Variants in LRRTM4 observed in about 807,000 individuals in gnomAD.
LRRTM4 encodes the protein leucine-rich repeat transmembrane neuronal protein 4.
LRRTM4 carries 25 observed loss-of-function variants against 47.6 expected under a neutral mutation model. That is an observed-to-expected ratio of 0.53 (90% confidence interval 0.38 to 0.73). LRRTM4 has a LOEUF of 0.73. Among genes scored for constraint, LRRTM4 ranks in the 30% least tolerant of loss-of-function variants. The pLI is 0.00. For synonymous variants in LRRTM4, 311 were observed against 269.5 expected (o/e 1.15, Z -1.51); for missense variants, 638 against 713.4 (o/e 0.89, Z 1.20).
chr2:77,031,028 A>G (rs1052415892), intron 3 of LRRTM4, among the ~76,000 whole-genome samples: 6 of 152,308 alleles, frequency 3.9e-5, no homozygotes, highest in Middle Eastern at 3.4e-3. Context: ...TTGTGAATAA[A>G]CTGTAAATAT....
chr2:76,971,433 G>T (rs565612047), intron 3 of LRRTM4, among the ~76,000 whole-genome samples: 26 of 152,136 alleles, frequency 1.7e-4, no homozygotes, highest in Middle Eastern at 3.4e-3. Flanking sequence ...ATCCCAGAAG[G>T]AATATCAGTT....
At chr2:77,328,401 G>A (rs1670858509) in intron 3 of LRRTM4, among the ~76,000 whole-genome samples, 1 of 152,180 alleles carries the variant, frequency 6.6e-6, no homozygotes, top group Non-Finnish European at 1.5e-5. Context: ...GAAGCTTGCT[G>A]TTCGGGTTGA....
intron 3 of LRRTM4, among the ~76,000 whole-genome samples, chr2:76,921,293 G>A (rs927508520): frequency 6.6e-6 from 1 of 151,996 alleles, no homozygotes; most frequent in Admixed American, 6.6e-5. Flanking sequence ...GATTAGGCTG[G>A]GGTTGTGTTT....
At chr2:77,175,157 C>A (rs1222256522) in intron 3 of LRRTM4, among the ~76,000 whole-genome samples, 3 of 151,310 alleles carry the variant, frequency 2.0e-5, no homozygotes, top group African/African-American at 7.3e-5. Flanking sequence ...GCAACCTCCA[C>A]CTCCTGGGTT....
chr2:77,160,114 C>T (rs1672672262), intron 3 of LRRTM4, among the ~76,000 whole-genome samples: 2 of 152,136 alleles, frequency 1.3e-5, no homozygotes, highest in South Asian at 4.1e-4. Flanking sequence ...ACCTTTTTTG[C>T]CATGTCCACA....
chr2:77,334,724 G>C (rs1167341907), intron 3 of LRRTM4, among the ~76,000 whole-genome samples: 1 of 152,080 alleles, frequency 6.6e-6, no homozygotes, highest in African/African-American at 2.4e-5. Flanking sequence ...ATTTCTTCTT[G>C]GTATGTTTAT....
intron 3 of LRRTM4, among the ~76,000 whole-genome samples, chr2:76,826,727 T>A (rs1671201459): frequency 6.6e-6 from 1 of 151,718 alleles, no homozygotes; most frequent in Admixed American, 6.6e-5. Flanking sequence ...AAAAGGAAAG[T>A]CACCAGGAAA....
At chr2:77,153,169 T>A (rs1468609615) in intron 3 of LRRTM4, among the ~76,000 whole-genome samples, 2 of 152,336 alleles carry the variant, frequency 1.3e-5, no homozygotes, top group Non-Finnish European at 2.9e-5. Context: ...ACATAGGACC[T>A]CTTCCCTATT....
chr2:76,802,371 T>C (rs993151764), intron 3 of LRRTM4, among the ~76,000 whole-genome samples: 3 of 152,070 alleles, frequency 2.0e-5, no homozygotes, highest in African/African-American at 7.2e-5. Flanking sequence ...ACTATTCCAT[T>C]TACAATATCT....
At chr2:77,070,351 T>C (rs1000147733) in intron 3 of LRRTM4, among the ~76,000 whole-genome samples, 15 of 152,266 alleles carry the variant, frequency 9.9e-5, no homozygotes, top group African/African-American at 3.4e-4. Context: ...GTTGACTTTA[T>C]TGAGAGACAA....
chr2:77,498,938 T>C lies in LRRTM4; in HGVS notation c.1551+19380A>G, dbSNP rs538646934. Among the ~76,000 whole-genome samples, 32 of 151,988 alleles carry C rather than the reference T, an allele frequency of 2.1e-4. 2 individuals are homozygous for C. Among genetic ancestry groups the C allele is most frequent in the African/African-American group, 7.5e-4 (31 of 41,504 alleles). On this transcript the variant is annotated intron_variant, in intron 3 of 3. Coordinates refer to ENST00000409884, the MANE Select transcript of LRRTM4 (RefSeq NM_001134745.3). ...AGTTTACTTTAGAGATACCTACAGA[T>C]CTCTACATAGATTACTCCTTGCTCG...
intron 3 of LRRTM4, among the ~76,000 whole-genome samples, chr2:76,998,383 G>T (rs1009456189): frequency 6.6e-6 from 1 of 152,080 alleles, no homozygotes; most frequent in Non-Finnish European, 1.5e-5. Flanking sequence ...TATCTTCCCA[G>T]GGCACCTACA....
chr2:77,364,995 C>T (rs1328901633), intron 3 of LRRTM4, among the ~76,000 whole-genome samples: 3 of 151,968 alleles, frequency 2.0e-5, no homozygotes, highest in Admixed American at 6.6e-5. Flanking sequence ...TTTATAGATT[C>T]CATCAACTCT....
chr2:76,936,719 C>T (rs1475605550), intron 3 of LRRTM4, among the ~76,000 whole-genome samples: 1 of 151,432 alleles, frequency 6.6e-6, no homozygotes, highest in African/African-American at 2.4e-5. Context: ...CTTTGAGAGG[C>T]CAAGGCAGGT....
At chr2:76,883,828 T>G (rs1239375509) in intron 3 of LRRTM4, among the ~76,000 whole-genome samples, 3 of 152,144 alleles carry the variant, frequency 2.0e-5, no homozygotes, top group Non-Finnish European at 4.4e-5. Context: ...GAGAAAGGTC[T>G]TTTATACTGC....
chr2:77,442,190 A>G (rs1675869829), intron 3 of LRRTM4, among the ~76,000 whole-genome samples: 1 of 152,162 alleles, frequency 6.6e-6, no homozygotes, highest in South Asian at 2.1e-4. Context: ...AGCTTAACTG[A>G]TTTATTTCAC....
At position 76,851,474 on chromosome 2, in the gene LRRTM4, A is replaced by G. The variant is rs149570558; in HGVS notation, c.1552-102558T>C. Reference sequence around the variant, plus strand: ...ATTGAGCACAAGTGAGTTACCTAAAAGATCTAAAGATAAAGACCCTGGCTT... The same window carrying G: ...ATTGAGCACAAGTGAGTTACCTAAAGGATCTAAAGATAAAGACCCTGGCTT... On this transcript the variant is annotated intron_variant, in intron 3 of 3. Coordinates refer to ENST00000409884, the MANE Select transcript of LRRTM4 (RefSeq NM_001134745.3). Among the ~76,000 whole-genome samples, 896 of 152,248 alleles carry G rather than the reference A, an allele frequency of 5.9e-3. 12 individuals carry two copies. The highest frequency in any genetic ancestry group is 0.02 in the African/African-American group (850 of 41,558).
At chr2:76,998,966 A>C (rs150960109) in intron 3 of LRRTM4, among the ~76,000 whole-genome samples, 1 of 150,636 alleles carries the variant, frequency 6.6e-6, no homozygotes, top group Non-Finnish European at 1.5e-5. Context: ...TACTCGCCCT[A>C]ACATGTGTTT....
At chr2:76,884,870 G>A (rs1008460263) in intron 3 of LRRTM4, among the ~76,000 whole-genome samples, 3 of 151,994 alleles carry the variant, frequency 2.0e-5, no homozygotes, top group African/African-American at 7.2e-5. Flanking sequence ...ATGGCCAAGA[G>A]GGTACTTTCA....
Sources: gnomAD v4.1 joint callset for allele counts (sites outside exome capture counted in the v4.1 genomes callset) on GRCh38, gnomAD v4.1.1 for gene constraint, MANE v1.5 for transcripts, NCBI Gene and HGNC (gene_info 2026-07-23, HGNC 2026-07-21) for gene names.